PIGS: variants seen among roughly 807,000 people sequenced by gnomAD.
PIGS encodes GPI-anchor transamidase component PIGS.
A neutral mutation model predicts 58.2 loss-of-function variants in PIGS; 37 were observed. The observed-to-expected ratio is 0.64, with a 90% CI of 0.49 to 0.84. The LOEUF (loss-of-function observed/expected upper bound fraction) is 0.84, where lower values mean the gene tolerates loss of function less well. Among genes scored for constraint, PIGS ranks in the 40% least tolerant of loss-of-function variants. PIGS has a pLI of 0.00. For synonymous variants in PIGS, 269 were observed against 289.2 expected (o/e 0.93, Z 0.71); for missense variants, 629 against 710.8 (o/e 0.88, Z 1.31).
rs2070428492 is a variant in PIGS at position 28,571,360 on chromosome 17, AG to A, written c.34+102del. The A allele has an allele frequency of 4.5e-6, 7 of 1,541,934 alleles. No individual in the cohort carries two copies. The South Asian group carries it at 7.1e-5, about 16-fold the overall frequency. On this transcript the variant is annotated intron_variant, in intron 1 of 11. Transcript: ENST00000308360. ...GGAATCTCGTCTGAAGAGACCCCCGAGCCCCCCGTCCGCGGGACCTCTCGCA... is the reference window on the plus strand; with the variant it reads ...GGAATCTCGTCTGAAGAGACCCCCGACCCCCCGTCCGCGGGACCTCTCGCA...
intron 3 of PIGS, among the ~76,000 whole-genome samples, chr17:28,567,963 A>T (rs1173471525): frequency 6.6e-6 from 1 of 151,982 alleles, no homozygotes; most frequent in African/African-American, 2.4e-5. Flanking sequence ...TATTTACTCG[A>T]ATGTCCTCTT....
rs61755366 is a variant in PIGS, at chr17:28,556,174, T to C, written c.1173A>G (p.Ala391=). The C allele has an allele frequency of 4.3e-6, 7 of 1,612,740 alleles. No homozygotes were observed. The highest frequency in any genetic ancestry group is 5.1e-6 in the Non-Finnish European group (6 of 1,178,894). Residue 391 remains alanine (A), a synonymous_variant, in exon 10 of 12, where the codon GCA becomes GCG. Coordinates refer to ENST00000308360, the MANE Select transcript of PIGS (RefSeq NM_033198.4). The part of the protein sequence containing the change: ...DMVRVMEVFL[A]QLRLLFGIAQ... ...ATCATCCAGGACCTCACCGCAACTG[T>C]GCCAGGAACACCTCCATCACTCGCA... is the stretch of plus-strand genomic sequence containing the variant.
chr17:28,562,455 A>C (rs1002239693), intron 5 of PIGS, among the ~76,000 whole-genome samples: 1 of 152,158 alleles, frequency 6.6e-6, no homozygotes, highest in Non-Finnish European at 1.5e-5. Context: ...TCTTTTTGAG[A>C]CAGAGTCTCA....
chr17:28,558,623 T>C (rs1313227683), intron 7 of PIGS, 33 bp from the exon 8 acceptor site: 7 of 1,480,204 alleles, frequency 4.7e-6, no homozygotes, highest in Admixed American at 3.8e-5. Context: ...TTACTTTGTT[T>C]AGATTTATAT....
At chr17:28,558,715 G>T (rs2070345489) in intron 7 of PIGS, 125 bp from the exon 8 acceptor site, 1 of 699,808 alleles carries the variant, frequency 1.4e-6, no homozygotes, top group African/African-American at 1.8e-5. Context: ...ACAAAATCAG[G>T]GCTGAGAGAA....
intron 4 of PIGS, 114 bp from the exon 5 acceptor site, chr17:28,563,636 G>T: frequency 2.5e-6 from 3 of 1,223,138 alleles, no homozygotes; most frequent in Non-Finnish European, 3.6e-6. Context: ...CAGTGGTCAG[G>T]CTTGGGTAAG....
At position 28,553,984 on chromosome 17, in the gene PIGS, C is replaced by A. The variant is rs956796481; in HGVS notation, c.*236G>T. ...CCTTATCAAACAAGATAAGGAGACC[C>A]GGATGATGTGCCTTTTGAGGCCCCT... On this transcript the variant is annotated 3_prime_UTR_variant, in exon 12 of 12. Transcript: ENST00000308360. 18 of 559,800 alleles carry A rather than the reference C, an allele frequency of 3.2e-5. No homozygotes were observed. The highest frequency in any genetic ancestry group is 5.7e-5 in the Non-Finnish European group (18 of 315,626). 34.7% of individuals were successfully genotyped at this position (559,800 alleles called of 1,614,324 possible).
intron 3 of PIGS, among the ~76,000 whole-genome samples, chr17:28,564,787 G>A (rs1182904337): frequency 6.6e-6 from 1 of 151,938 alleles, no homozygotes; most frequent in African/African-American, 2.4e-5. Flanking sequence ...GTTGAGGTGG[G>A]AGGATGACTT....
chr17:28,557,631 C>G (rs1042250673), intron 8 of PIGS: 2 of 152,390 alleles, frequency 1.3e-5, no homozygotes, highest in African/African-American at 4.8e-5. Flanking sequence ...GCCTCACATG[C>G]CACCCCCTCA....
chr17:28,557,051 G>A, intron 8 of PIGS, 79 bp from the exon 9 acceptor site: 2 of 1,513,116 alleles, frequency 1.3e-6, no homozygotes, highest in Non-Finnish European at 1.8e-6. Flanking sequence ...TAACTTGCTG[G>A]TCACTCACTC....
intron 7 of PIGS, 22 bp from the exon 8 acceptor site, chr17:28,558,612 G>T (rs764368226): frequency 6.4e-7 from 1 of 1,552,754 alleles, no homozygotes; most frequent in Non-Finnish European, 8.8e-7. Context: ...ACAGGGAGTG[G>T]TTACTTTGTT....
At chr17:28,558,175 A>C (rs1018196222) in intron 8 of PIGS, among the ~76,000 whole-genome samples, 1 of 152,190 alleles carries the variant, frequency 6.6e-6, no homozygotes, top group African/African-American at 2.4e-5. Context: ...GTGTAGTGGC[A>C]CATACCTATA....
intron 3 of PIGS, among the ~76,000 whole-genome samples, chr17:28,566,538 G>A (rs920624289): frequency 4.0e-5 from 6 of 150,212 alleles, no homozygotes; most frequent in Non-Finnish European, 5.9e-5. Context: ...TGATTTACCC[G>A]CCTCAGCCTC....
chr17:28,571,460 C>T lies in PIGS; in HGVS notation c.34+3G>A. 6.2e-7 allele frequency: 1 copy of T among 1,610,366 alleles called. No homozygotes were observed. The highest frequency in any genetic ancestry group is 8.5e-7 in the Non-Finnish European group (1 of 1,178,670). On this transcript the variant is annotated splice_donor_region_variant and intron_variant, in intron 1 of 11. Transcript: ENST00000308360. ...CAGGCCCCCCACCCGAAGCCCACCG[C>T]ACCTAGGTGTGTAGCCGCAGCCCCG...
At position 28,571,464 on chromosome 17, in the gene PIGS, T is replaced by C. The variant is rs771236168; in HGVS notation, c.33A>G (p.Leu11=). ...CCCCCCACCCGAAGCCCACCGCACC[T>C]AGGTGTGTAGCCGCAGCCCCGGCGG... The part of the protein sequence containing the change: MAAAGAAATH[L]EVARGKRAAL... The change falls in exon 1 of 12, where the codon CTA becomes CTG. Residue 11 remains leucine, a splice_region_variant and synonymous_variant. Coordinates refer to ENST00000308360, the MANE Select transcript of PIGS (RefSeq NM_033198.4). 6 of 1,610,176 alleles carry C rather than the reference T, an allele frequency of 3.7e-6. No individual in the cohort carries two copies. Among genetic ancestry groups the C allele is most frequent in the Non-Finnish European group, 5.1e-6 (6 of 1,178,628 alleles).
chr17:28,564,143 C>T (rs561634038), intron 3 of PIGS, among the ~76,000 whole-genome samples: 13 of 152,210 alleles, frequency 8.5e-5, no homozygotes, highest in African/African-American at 3.1e-4. Context: ...GGTCCTTCAG[C>T]GTGAAACGTC....
intron 5 of PIGS, among the ~76,000 whole-genome samples, chr17:28,563,003 A>G (rs2070372990): frequency 6.6e-6 from 1 of 152,102 alleles, no homozygotes. Context: ...CCCAGCCAGC[A>G]TTCTTTATTA....
chr17:28,560,117 C>G lies in PIGS; in HGVS notation c.751G>C (p.Val251Leu). ...AGGAAAGGTTGCACATAGCGCCGGA[C>G]AGCCCCCTCAATGTCCCAGTAGACA... is the stretch of plus-strand genomic sequence containing the variant. ...HDVYWDIEGAVRRYVQPFLNA... is the reference protein window; with the variant it reads ...HDVYWDIEGALRRYVQPFLNA... Residue 251 changes from valine to leucine, a missense_variant, in exon 7 of 12, where the codon GTC becomes CTC. By Grantham distance (32) the Val-to-Leu change is conservative (BLOSUM62 1). Transcript: ENST00000308360. The G allele has an allele frequency of 6.2e-7, 1 of 1,613,590 alleles. No individual in the cohort carries two copies. The highest frequency in any genetic ancestry group is 8.5e-7 in the Non-Finnish European group (1 of 1,179,796).
rs536504970 is a variant in PIGS at position 28,560,138 on chromosome 17, A to G, written c.730T>C (p.Tyr244His). 6.2e-7 allele frequency: 1 copy of G among 1,613,350 alleles called. No individual in the cohort carries two copies. Among genetic ancestry groups the G allele is most frequent in the African/African-American group, 1.3e-5 (1 of 75,000 alleles). ...CGGACAGCCCCCTCAATGTCCCAGT[A>G]GACATCATGGGACTTGGGGTCTGGG... ...LNPDPKSHDV[Y>H]WDIEGAVRRY... The change falls in exon 7 of 12, where the codon TAC (tyrosine) becomes CAC (histidine). Residue 244 changes from tyrosine to histidine, a missense_variant. By Grantham distance (83) the Tyr-to-His change is moderately conservative. Coordinates refer to ENST00000308360, the MANE Select transcript of PIGS (RefSeq NM_033198.4).
Sources: allele counts gnomAD v4.1 joint callset (sites outside exome capture counted in the v4.1 genomes callset), GRCh38; gene constraint gnomAD v4.1.1; transcripts MANE v1.5; gene names NCBI Gene and HGNC (gene_info 2026-07-23, HGNC 2026-07-21).